PRH1: variants seen among roughly 807,000 people sequenced by gnomAD.
PRH1 encodes proline rich protein HaeIII subfamily 1.
In PRH1, 7 loss-of-function variants were observed where a neutral mutation model predicts 7.9. The observed-to-expected ratio is 0.89, with a 90% confidence interval of 0.50 to 1.67. The LOEUF is 1.67. Among genes scored for constraint, PRH1 ranks in the 40% most tolerant of loss-of-function variants. PRH1 has a pLI of 0.00. For synonymous variants in PRH1, 45 were observed against 80.8 expected, an observed-to-expected ratio of 0.56 and a Z score of 2.38; for missense variants, 109 against 223.6, an observed-to-expected ratio of 0.49 and a Z score of 3.27.
At chr12:11,070,952 T>C (rs1380647507) in intron 1 of PRH1, among the ~76,000 whole-genome samples, 2 of 151,746 alleles carry the variant, frequency 1.3e-5, no homozygotes, top group African/African-American at 4.8e-5. Flanking sequence ...GATTGCCCCA[T>C]TTTTTTCTAA....
At chr12:11,038,753 G>A (rs528477232) in intron 1 of PRH1, among the ~76,000 whole-genome samples, 28 of 120,752 alleles carry the variant, frequency 2.3e-4, no homozygotes, top group Non-Finnish European at 4.5e-4. Flanking sequence ...GCATGTGAAT[G>A]TATATGTATT....
intron 2 of PRH1, among the ~76,000 whole-genome samples, chr12:10,961,620 C>T (rs1314535126): frequency 6.6e-6 from 1 of 152,316 alleles, no homozygotes; most frequent in African/African-American, 2.4e-5. Context: ...TGATCCAGAT[C>T]ATCCTACCAT....
downstream of PRH1, among the ~76,000 whole-genome samples, chr12:11,117,711 T>G (rs533986993): frequency 6.6e-6 from 1 of 152,200 alleles, no homozygotes; most frequent in Admixed American, 6.5e-5. Flanking sequence ...GTACTGGCAT[T>G]AAAACTGACA....
intron 2 of PRH1, among the ~76,000 whole-genome samples, chr12:10,897,755 A>ATGTTT (rs1949668674): frequency 6.6e-6 from 1 of 152,172 alleles, no homozygotes; most frequent in Admixed American, 6.6e-5. Context: ...ATCTTGTGAT[A>ATGTTT]ACTCACTCAC....
intron 2 of PRH1, among the ~76,000 whole-genome samples, chr12:10,957,478 T>C (rs1399770161): frequency 6.6e-6 from 1 of 152,050 alleles, no homozygotes; most frequent in Non-Finnish European, 1.5e-5. Context: ...AAAAATAACC[T>C]AGTAAACACC....
At position 11,146,205 on chromosome 12, in the gene PRH1, G is replaced by A. The variant is rs1033679502; in HGVS notation, n.40-25025C>T. On this transcript the variant is annotated intron_variant and non_coding_transcript_variant, in intron 1 of 1. Coordinates refer to the PRH1 transcript ENST00000541175. ...CCAACAGATGTTCCTCATTCTGTGC[G>A]TCTTTACACATTTTTTTTCTTTCAG... 1.3e-4 allele frequency among the ~76,000 whole-genome samples: 19 copies of A among 151,878 alleles called. No homozygotes were observed. In the South Asian group the frequency reaches 1.9e-3, roughly 15 times the overall value.
chr12:11,024,981 C>A (rs10772421), intron 1 of PRH1, among the ~76,000 whole-genome samples: 34,544 of 151,430 alleles, frequency 0.23, 4,904 homozygotes, highest in East Asian at 0.54. Flanking sequence ...ATATAGTCAA[C>A]ATTTATTTAG....
chr12:11,135,506 ACAAACCCATT>A (rs1946524290), intron 1 of PRH1, among the ~76,000 whole-genome samples: 1 of 48,290 alleles, frequency 2.1e-5, no homozygotes, highest in Non-Finnish European at 6.2e-5. Context: ...GAGCTATCCA[ACAAACCCATT>A]TAGAAAAACA....
At chr12:11,144,147 T>A (rs889874942) in intron 1 of PRH1, among the ~76,000 whole-genome samples, 1 of 151,976 alleles carries the variant, frequency 6.6e-6, no homozygotes, top group Non-Finnish European at 1.5e-5. Flanking sequence ...TGGCCCTAGA[T>A]CTCCCAGAAT....
At chr12:11,119,166 A>T (rs1397265728), downstream of PRH1, among the ~76,000 whole-genome samples, 14 of 152,206 alleles carry the variant, frequency 9.2e-5, no homozygotes, top group Admixed American at 5.2e-4. Context: ...ATGTTTGTGC[A>T]GAAAGGCAAG....
chr12:10,884,543 T>C (rs1481749958), upstream of PRH1, among the ~76,000 whole-genome samples: 1 of 152,110 alleles, frequency 6.6e-6, no homozygotes, highest in African/African-American at 2.4e-5. Context: ...CATCTTTTGG[T>C]TTTCAATCTG....
chr12:11,034,236 T>C (rs35649917), intron 1 of PRH1, among the ~76,000 whole-genome samples: 7,418 of 25,496 alleles, frequency 0.29, 2,195 homozygotes, highest in Non-Finnish European at 0.38. Flanking sequence ...TTCCATTGCA[T>C]GGAATTACTG....
intron 1 of PRH1, among the ~76,000 whole-genome samples, chr12:11,156,849 T>C (rs992740470): frequency 6.8e-6 from 1 of 147,638 alleles, no homozygotes; most frequent in Non-Finnish European, 1.5e-5. Context: ...CACCAATTTT[T>C]TTTTTTTTTT....
intron 1 of PRH1, chr12:11,078,897 A>G (rs1944404061): frequency 6.6e-6 from 1 of 152,094 alleles, no homozygotes; most frequent in African/African-American, 2.4e-5. Context: ...CATTGTTAAT[A>G]AGCTCCTAAA....
At position 11,148,747 on chromosome 12, in the gene PRH1, T is replaced by C. The variant is rs1360260947; in HGVS notation, n.39+22675A>G. ...CATCAAGGATATTAGTCTAAAATTC[T>C]CTTTTTGGTTGTGTCTCTGCCCAGC... On this transcript the variant is annotated intron_variant and non_coding_transcript_variant, in intron 1 of 1. Transcript: ENST00000541175. Among the ~76,000 whole-genome samples, 2 of 110,160 alleles carry C rather than the reference T, an allele frequency of 1.8e-5. 1 individual carries two copies. Among genetic ancestry groups the C allele is most frequent in the Non-Finnish European group, 4.3e-5 (2 of 46,396 alleles). The allele number at this position is 110,160 out of a possible 152,430, so 72.3% of individuals were successfully genotyped here. A position where few individuals can be genotyped will look rare whatever the true frequency, so the allele number is the denominator to read the frequency against.
chr12:11,117,371 C>T (rs1170369713), downstream of PRH1, among the ~76,000 whole-genome samples: 8 of 151,846 alleles, frequency 5.3e-5, no homozygotes, highest in African/African-American at 1.9e-4. Flanking sequence ...GATGAAATAG[C>T]TCTATAATGA....
At chr12:10,922,404 T>C (rs1950058409) in intron 2 of PRH1, among the ~76,000 whole-genome samples, 1 of 152,230 alleles carries the variant, frequency 6.6e-6, no homozygotes, top group African/African-American at 2.4e-5. Context: ...TATGTAGAAA[T>C]GTTCATCTTT....
At chr12:10,918,800 T>C (rs1224877850) in intron 2 of PRH1, among the ~76,000 whole-genome samples, 1 of 152,244 alleles carries the variant, frequency 6.6e-6, no homozygotes, top group Non-Finnish European at 1.5e-5. Context: ...AATGTGAGGC[T>C]GAATTTTTTA....
At chr12:10,912,974 T>A (rs1949921547) in intron 2 of PRH1, among the ~76,000 whole-genome samples, 1 of 152,222 alleles carries the variant, frequency 6.6e-6, no homozygotes, top group Admixed American at 6.5e-5. Flanking sequence ...ATTCTATTAT[T>A]TCTTGAGATT....
Sources: gnomAD v4.1 joint callset for allele counts (sites outside exome capture counted in the v4.1 genomes callset) on GRCh38, gnomAD v4.1.1 for gene constraint, MANE v1.5 for transcripts, NCBI Gene and HGNC (gene_info 2026-07-23, HGNC 2026-07-21) for gene names.